The following RDH8 variants were observed in gnomAD, a reference collection of about 807,000 sequenced individuals.
RDH8 encodes photoreceptor outer segment all-trans retinol dehydrogenase.
A neutral mutation model predicts 22.3 loss-of-function variants in RDH8; 14 were observed. The ratio of observed to expected loss-of-function variants is 0.63; its 90% confidence interval spans 0.42 to 0.98. The LOEUF (loss-of-function observed/expected upper bound fraction) is 0.98. Ranked by LOEUF, RDH8 falls within the 50% of genes least tolerant of loss-of-function variation. RDH8 has a pLI of 0.00. For missense variants in RDH8, 389 were observed against 409.8 expected, an observed-to-expected ratio of 0.95 and a Z score of 0.44; for synonymous variants, 175 against 171.7, an observed-to-expected ratio of 1.02 and a Z score of -0.15.
At chr19:10,013,693 G>A (rs2087587635) in intron 1 of RDH8, 93 bp downstream of exon 1, 4 of 1,360,654 alleles carry the variant, frequency 2.9e-6, no homozygotes, top group Non-Finnish European at 4.1e-6. Context: ...CTGCACTTGT[G>A]GGCTTGGGGA....
intron 1 of RDH8, among the ~76,000 whole-genome samples, chr19:10,013,856 A>G (rs1054535296): frequency 6.6e-6 from 1 of 152,006 alleles, no homozygotes; most frequent in African/African-American, 2.4e-5. Flanking sequence ...GAGAGGGAGA[A>G]TGGGTGATAA....
At chr19:10,014,510 G>A (rs775273144) in intron 1 of RDH8, among the ~76,000 whole-genome samples, 1 of 152,070 alleles carries the variant, frequency 6.6e-6, no homozygotes, top group Non-Finnish European at 1.5e-5. Context: ...CGTGAGGCAG[G>A]CACAATCATT....
Position 10,021,982 on chromosome 19 carries a change from A to G in RDH8, c.*233A>G, listed in dbSNP as rs896744306. 7.1e-6 allele frequency: 4 copies of G among 561,744 alleles called. No homozygotes were observed. Among genetic ancestry groups the G allele is most frequent in the Non-Finnish European group, 1.3e-5 (4 of 318,520 alleles). The allele number at this position is 561,744 out of a possible 1,614,324, so 34.8% of individuals were successfully genotyped here. A position where few individuals can be genotyped will look rare whatever the true frequency, so the allele number is the denominator to read the frequency against. On this transcript the variant is annotated 3_prime_UTR_variant, in exon 6 of 6. Coordinates refer to ENST00000591589, the MANE Select transcript of RDH8 (RefSeq NM_015725.4). ...CCTGGGAACTTGGCCTGGGAAGCCC[A>G]GAGCAGGAAGCCACAGCTGTCTCTG...
At chr19:10,019,793 C>A (rs555407924) in intron 3 of RDH8, among the ~76,000 whole-genome samples, 14 of 149,752 alleles carry the variant, frequency 9.3e-5, no homozygotes, top group Admixed American at 8.8e-4. Context: ...AAGAGCAAGA[C>A]TCTGTCTAAA....
At chr19:10,014,347 T>A (rs924888228) in intron 1 of RDH8, among the ~76,000 whole-genome samples, 2 of 152,224 alleles carry the variant, frequency 1.3e-5, no homozygotes, top group African/African-American at 4.8e-5. Context: ...ACAGCCTGAA[T>A]GCCAGTGTGC....
At position 10,013,538 on chromosome 19, in the gene RDH8, C is replaced by T. The variant is rs749472103; in HGVS notation, c.41C>T (p.Ser14Leu). The change falls in exon 1 of 6, where the codon TCA becomes TTA. Residue 14 changes from serine (S) to leucine (L), a missense_variant. By Grantham distance (145) the Ser-to-Leu change is moderately radical. Transcript: ENST00000591589. ...APRTVLISGCSSGIGLELAVQ... is the reference protein window; with the variant it reads ...APRTVLISGCLSGIGLELAVQ... Reference sequence around the variant, plus strand: ...CGGACTGTGTTGATCTCCGGCTGCTCATCAGGAATTGGTCTGGAACTTGCA... The same window carrying T: ...CGGACTGTGTTGATCTCCGGCTGCTTATCAGGAATTGGTCTGGAACTTGCA... 1.2e-6 allele frequency: 2 copies of T among 1,613,756 alleles called. No individual in the cohort carries two copies. Among genetic ancestry groups the T allele is most frequent in the African/African-American group, 2.7e-5 (2 of 74,864 alleles).
intron 1 of RDH8, among the ~76,000 whole-genome samples, chr19:10,014,206 G>A (rs2087591041): frequency 6.6e-6 from 1 of 152,198 alleles, no homozygotes; most frequent in Admixed American, 6.5e-5. Context: ...GGAGCATGCT[G>A]GAGTCAAAGT....
At chr19:10,016,182 C>A (rs1432922020) in intron 1 of RDH8, among the ~76,000 whole-genome samples, 5 of 150,834 alleles carry the variant, frequency 3.3e-5, no homozygotes, top group Non-Finnish European at 7.4e-5. Context: ...CAGTCTCGCT[C>A]TGTTGCCAGG....
chr19:10,021,547 T>A lies in RDH8; in HGVS notation c.734T>A (p.Val245Asp). ...TCCATTCTGCAGGCCATTGTCAACGTCATCAGCTCGACTCGACCACCCCTG... is the reference window on the plus strand; with the variant it reads ...TCCATTCTGCAGGCCATTGTCAACGACATCAGCTCGACTCGACCACCCCTG... ...PQDVVQAIVN[V>D]ISSTRPPLRR... is the part of the protein sequence containing the mutation. Residue 245 changes from valine (V) to aspartate (D), a missense_variant, in exon 6 of 6, where the codon GTC becomes GAC. Physicochemically the swap from Val to Asp is radical, Grantham distance 152 (BLOSUM62 -3). Coordinates refer to ENST00000591589, the MANE Select transcript of RDH8 (RefSeq NM_015725.4). The A allele has an allele frequency of 1.2e-5, 20 of 1,614,076 alleles. No homozygotes were observed. Among genetic ancestry groups the A allele is most frequent in the Non-Finnish European group, 1.7e-5 (20 of 1,180,000 alleles).
At chr19:10,014,518 A>T (rs1002432945) in intron 1 of RDH8, among the ~76,000 whole-genome samples, 54 of 152,012 alleles carry the variant, frequency 3.6e-4, no homozygotes, top group African/African-American at 1.3e-3. Flanking sequence ...AGGCACAATC[A>T]TTCACCCCAT....
At chr19:10,015,185 C>T (rs1006696553) in intron 1 of RDH8, among the ~76,000 whole-genome samples, 1 of 152,140 alleles carries the variant, frequency 6.6e-6, no homozygotes, top group Admixed American at 6.6e-5. Context: ...GGCACAGTGG[C>T]TCATGCCTGT....
At chr19:10,018,698 C>T (rs2087637267) in intron 2 of RDH8, 33 bp from the exon 3 acceptor site, 2 of 1,540,006 alleles carry the variant, frequency 1.3e-6, no homozygotes, top group African/African-American at 1.4e-5. Context: ...GAGTGAGGGA[C>T]TTTAAGGTAA....
At chr19:10,017,835 G>A (rs1008724227) in intron 2 of RDH8, among the ~76,000 whole-genome samples, 5 of 151,716 alleles carry the variant, frequency 3.3e-5, no homozygotes, top group African/African-American at 7.3e-5. Context: ...TCTTAGAGAC[G>A]AGGTTTCACC....
Position 10,020,713 on chromosome 19 carries a change from C to T in RDH8, c.447C>T (p.Val149=). ...VISSVMGLQG[V]IFNDVYAASK... Reference sequence around the variant, plus strand: ...TCCTCCCTCTGACCCTCACAGGTGTCATCTTCAACGATGTCTATGCAGCTT... The same window carrying T: ...TCCTCCCTCTGACCCTCACAGGTGTTATCTTCAACGATGTCTATGCAGCTT... Residue 149 remains valine (V), a synonymous_variant, in exon 4 of 6, where the codon GTC becomes GTT. Transcript: ENST00000591589. The T allele has an allele frequency of 6.2e-7, 1 of 1,607,964 alleles. No individual in the cohort carries two copies. The highest frequency in any genetic ancestry group is 8.5e-7 in the Non-Finnish European group (1 of 1,176,100).
At position 10,018,790 on chromosome 19, in the gene RDH8, C is replaced by T; in HGVS notation, c.322C>T (p.Gln108Ter). 6.2e-7 allele frequency: 1 copy of T among 1,613,976 alleles called. No homozygotes were observed. The highest frequency in any genetic ancestry group is 8.5e-7 in the Non-Finnish European group (1 of 1,179,900). ...PLEGLSLAAM[Q>*]NVFDTNFFGA... ...GGAGGGGCTCAGCCTTGCTGCCATG[C>T]AGAATGTCTTTGACACCAACTTTTT... is the stretch of plus-strand genomic sequence containing the variant. The change falls in exon 3 of 6, where the codon CAG becomes TAG. Residue 108 changes from glutamine (Q) to a stop codon, truncating the protein, a stop_gained. Coordinates refer to ENST00000591589, the MANE Select transcript of RDH8 (RefSeq NM_015725.4). LOFTEE classifies it high-confidence loss of function.
chr19:10,017,033 C>T, intron 1 of RDH8, 24 bp from the exon 2 acceptor site: 1 of 1,514,448 alleles, frequency 6.6e-7, no homozygotes, highest in South Asian at 1.3e-5. Context: ...AGTGCCTGTC[C>T]CTGCTTTACT....
chr19:10,015,200 T>C lies in RDH8; in HGVS notation c.103+1600T>C, dbSNP rs1169439756. Among the ~76,000 whole-genome samples the C allele has an allele frequency of 2.0e-5, 3 of 152,006 alleles. 1 individual carries two copies. The South Asian group carries it at 6.2e-4, about 32-fold the overall frequency. ...GGCACAGTGGCTCATGCCTGTAATC[T>C]CAGCACTTTGGGAGGCCTAGGTGGA... On this transcript the variant is annotated intron_variant, in intron 1 of 5. Coordinates refer to ENST00000591589, the MANE Select transcript of RDH8 (RefSeq NM_015725.4).
At chr19:10,018,696 G>A in intron 2 of RDH8, 35 bp from the exon 3 acceptor site, 2 of 1,523,944 alleles carry the variant, frequency 1.3e-6, no homozygotes, top group African/African-American at 1.4e-5. Context: ...AAGAGTGAGG[G>A]ACTTTAAGGT....
At chr19:10,020,086 C>T (rs1217974826) in intron 3 of RDH8, among the ~76,000 whole-genome samples, 1 of 151,786 alleles carries the variant, frequency 6.6e-6, no homozygotes, top group Non-Finnish European at 1.5e-5. Context: ...GGCTGCACTC[C>T]AGCCTGAACG....
Sources: allele counts gnomAD v4.1 joint callset (sites outside exome capture counted in the v4.1 genomes callset), GRCh38; gene constraint gnomAD v4.1.1; transcripts MANE v1.5; gene names NCBI Gene and HGNC (gene_info 2026-07-23, HGNC 2026-07-21).